Variants in SLC4A4 observed in about 807,000 individuals in gnomAD.
The protein encoded by SLC4A4 is electrogenic sodium bicarbonate cotransporter 1.
Under a neutral mutation model 111.5 loss-of-function variants are expected in SLC4A4, and 27 were observed. That is an observed-to-expected ratio of 0.24 (90% CI 0.18 to 0.33). SLC4A4 has a LOEUF of 0.33. SLC4A4 is among the 10% of genes least tolerant of loss of function. SLC4A4 has a pLI of 1.00. For synonymous variants in SLC4A4, 443 were observed against 463.4 expected (o/e 0.96, Z 0.57); for missense variants, 909 against 1,315.5 (o/e 0.69, Z 4.78).
chr4:71,410,323 C>T (rs1721253851), intron 7 of SLC4A4, among the ~76,000 whole-genome samples: 1 of 152,156 alleles, frequency 6.6e-6, no homozygotes, highest in Non-Finnish European at 1.5e-5. Context: ...GGAGAATGTA[C>T]TCTGCAAAGC....
intron 18 of SLC4A4, among the ~76,000 whole-genome samples, chr4:71,545,196 G>A (rs967468697): frequency 6.6e-6 from 1 of 151,856 alleles, no homozygotes; most frequent in African/African-American, 2.4e-5. Context: ...TTTCTTTCTT[G>A]TACTAGCTCC....
At chr4:71,189,643 A>G (rs557603274) in intron 1 of SLC4A4, among the ~76,000 whole-genome samples, 2 of 152,306 alleles carry the variant, frequency 1.3e-5, no homozygotes, top group South Asian at 4.1e-4. Context: ...AAAGAAATGC[A>G]CACTAGCTGG....
At chr4:71,263,820 A>G (rs1722043083) in intron 3 of SLC4A4, among the ~76,000 whole-genome samples, 1 of 152,110 alleles carries the variant, frequency 6.6e-6, no homozygotes, top group Non-Finnish European at 1.5e-5. Flanking sequence ...TTCTTATGGG[A>G]AATATATTAC....
At chr4:71,085,903 A>T (rs1160796598) in intron 1 of SLC4A4, among the ~76,000 whole-genome samples, 2 of 152,004 alleles carry the variant, frequency 1.3e-5, no homozygotes, top group Admixed American at 6.6e-5. Context: ...TTTTGGTTCC[A>T]TATGAACTTT....
At chr4:71,289,814 G>C (rs1187774050) in intron 3 of SLC4A4, among the ~76,000 whole-genome samples, 2 of 152,224 alleles carry the variant, frequency 1.3e-5, no homozygotes, top group African/African-American at 4.8e-5. Context: ...CACAGGCTAG[G>C]ACAAGGCGGA....
chr4:71,142,761 C>CTTTTTTTT (rs34495804), intron 2 of SLC4A4, among the ~76,000 whole-genome samples: 59 of 77,976 alleles, frequency 7.6e-4, no homozygotes, highest in African/African-American at 1.0e-3. Flanking sequence ...TTTTCTCACT[C>CTTTTTTTT]TTTTTTTTTT....
chr4:71,363,398 G>A lies in SLC4A4; in HGVS notation c.730+6211G>A, dbSNP rs190669256. Among the ~76,000 whole-genome samples, 17 of 152,236 alleles carry A rather than the reference G, an allele frequency of 1.1e-4. No individual in the cohort carries two copies. The East Asian group carries it at 3.3e-3, about 29-fold the overall frequency. On this transcript the variant is annotated intron_variant, in intron 6 of 25. Transcript: ENST00000264485. ...CTGGCTGGGACCACCGCCAGGTCTG[G>A]TAGCTTTCTCGTTCCCTTTAGAAAT...
chr4:71,225,187 A>C (rs984195542), intron 1 of SLC4A4, among the ~76,000 whole-genome samples: 2 of 152,102 alleles, frequency 1.3e-5, no homozygotes, highest in African/African-American at 4.8e-5. Flanking sequence ...CCCCATCTCT[A>C]CTAAAAATAC....
intron 3 of SLC4A4, among the ~76,000 whole-genome samples, chr4:71,284,175 T>C (rs1412464578): frequency 6.6e-6 from 1 of 152,224 alleles, no homozygotes; most frequent in Non-Finnish European, 1.5e-5. Flanking sequence ...TTTTAGATTT[T>C]ATACTCTTTG....
At chr4:71,121,454 G>C (rs909777013) in intron 2 of SLC4A4, among the ~76,000 whole-genome samples, 1 of 152,208 alleles carries the variant, frequency 6.6e-6, no homozygotes, top group Non-Finnish European at 1.5e-5. Context: ...TGGGGTGTTG[G>C]AGAACTTTTA....
chr4:71,377,554 T>C (rs1732523892), intron 6 of SLC4A4, among the ~76,000 whole-genome samples: 1 of 152,168 alleles, frequency 6.6e-6, no homozygotes, highest in Non-Finnish European at 1.5e-5. Flanking sequence ...GATTTTGCTA[T>C]AGTGTGAGCT....
chr4:71,191,574 GTT>G (rs1745734753), intron 1 of SLC4A4, among the ~76,000 whole-genome samples: 1 of 152,194 alleles, frequency 6.6e-6, no homozygotes, highest in African/African-American at 2.4e-5. Flanking sequence ...GCAGATAAAA[GTT>G]TATCCTGTTT....
intron 2 of SLC4A4, among the ~76,000 whole-genome samples, chr4:71,162,484 T>C (rs1674023839): frequency 6.6e-6 from 1 of 152,146 alleles, no homozygotes; most frequent in African/African-American, 2.4e-5. Flanking sequence ...GTGGTCTCAG[T>C]TCAAGCCTAA....
intron 6 of SLC4A4, among the ~76,000 whole-genome samples, chr4:71,358,629 A>T (rs1730494234): frequency 6.6e-6 from 1 of 152,166 alleles, no homozygotes; most frequent in Non-Finnish European, 1.5e-5. Flanking sequence ...CAGTATTTCT[A>T]CTACAGTTTG....
chr4:71,261,428 A>G (rs1397951943), intron 3 of SLC4A4, among the ~76,000 whole-genome samples: 1 of 152,192 alleles, frequency 6.6e-6, no homozygotes, highest in Non-Finnish European at 1.5e-5. Context: ...CTGGTTAAGA[A>G]GGGCTGTTGG....
intron 1 of SLC4A4, among the ~76,000 whole-genome samples, chr4:71,085,841 G>A (rs892725096): frequency 3.3e-5 from 5 of 151,992 alleles, no homozygotes; most frequent in Non-Finnish European, 7.4e-5. Flanking sequence ...GTAGCGTGAT[G>A]CCTCCAGCTT....
intron 1 of SLC4A4, among the ~76,000 whole-genome samples, chr4:71,075,262 C>T (rs1489059654): frequency 3.3e-5 from 5 of 152,184 alleles, no homozygotes; most frequent in African/African-American, 1.2e-4. Flanking sequence ...TGTTGTTCAT[C>T]CGGACTAGTC....
At chr4:71,096,506 G>T (rs963181559) in intron 2 of SLC4A4, among the ~76,000 whole-genome samples, 6 of 152,012 alleles carry the variant, frequency 3.9e-5, no homozygotes, top group African/African-American at 1.2e-4. Context: ...ATTTAAAAAG[G>T]TGCCAAAAAA....
In SLC4A4 at chr4:71,567,851, T is replaced by A; in HGVS notation, c.*100T>A. 1.3e-6 allele frequency: 2 copies of A among 1,544,440 alleles called. No individual in the cohort carries two copies. The highest frequency in any genetic ancestry group is 2.7e-5 in the African/African-American group (2 of 72,908). ...GAATAGAACTTGAACCTGAAGACAA[T>A]GATTATTTCTGGAGGAGCAAGGGAA... On this transcript the variant is annotated 3_prime_UTR_variant, in exon 26 of 26. Coordinates refer to ENST00000264485, the MANE Select transcript of SLC4A4 (RefSeq NM_001098484.3).
Sources: gnomAD v4.1 joint callset for allele counts (sites outside exome capture counted in the v4.1 genomes callset) on GRCh38, gnomAD v4.1.1 for gene constraint, MANE v1.5 for transcripts, NCBI Gene and HGNC (gene_info 2026-07-23, HGNC 2026-07-21) for gene names.